Variants in TESC observed in about 807,000 individuals in gnomAD.
TESC encodes the protein calcineurin B homologous protein 3.
A neutral mutation model predicts 31.0 loss-of-function variants in TESC; 19 were observed. The observed-to-expected ratio is 0.61, with a 90% CI of 0.43 to 0.90. The LOEUF (loss-of-function observed/expected upper bound fraction) is 0.90, where lower values mean the gene tolerates loss of function less well. Ranked by LOEUF, TESC falls within the 40% of genes least tolerant of loss-of-function variation. The pLI is 0.00. For missense variants in TESC, 248 were observed against 303.8 expected (o/e 0.82, Z 1.36); for synonymous variants, 109 against 114.8 (o/e 0.95, Z 0.32).
At chr12:117,045,039 A>C (rs374068781) in intron 6 of TESC, among the ~76,000 whole-genome samples, 1 of 152,178 alleles carries the variant, frequency 6.6e-6, no homozygotes, top group African/African-American at 2.4e-5. Flanking sequence ...AGAGGCTGGG[A>C]GGGATTGAAC....
chr12:117,040,301 C>G (rs946133863), intron 7 of TESC, among the ~76,000 whole-genome samples: 5 of 152,166 alleles, frequency 3.3e-5, no homozygotes, highest in Non-Finnish European at 5.9e-5. Flanking sequence ...CGCATGGACA[C>G]TCACGGTGGT....
chr12:117,048,946 C>A (rs1954607223), intron 4 of TESC, 73 bp downstream of exon 4: 1 of 1,606,778 alleles, frequency 6.2e-7, no homozygotes, highest in Non-Finnish European at 8.5e-7. Flanking sequence ...TGCAGAGGCG[C>A]CTTGCGTTCT....
intron 3 of TESC, among the ~76,000 whole-genome samples, chr12:117,050,861 G>A (rs1313593852): frequency 6.6e-6 from 1 of 150,580 alleles, no homozygotes; most frequent in Non-Finnish European, 1.5e-5. Flanking sequence ...GGAGGCCGAG[G>A]CTGCAGTGAG....
chr12:117,070,509 G>A (rs1322016316), intron 2 of TESC, among the ~76,000 whole-genome samples: 2 of 152,154 alleles, frequency 1.3e-5, no homozygotes, highest in African/African-American at 4.8e-5. Context: ...GTGGTGACGG[G>A]AATTATAAAC....
intron 3 of TESC, among the ~76,000 whole-genome samples, chr12:117,053,546 A>G (rs1954678325): frequency 6.6e-6 from 1 of 152,118 alleles, no homozygotes; most frequent in Admixed American, 6.5e-5. Flanking sequence ...GAATAAGAGC[A>G]TACACTAAAA....
At chr12:117,075,928 TATATATATATATGTATATATAC>T (rs1179151262) in intron 1 of TESC, among the ~76,000 whole-genome samples, 4 of 113,232 alleles carry the variant, frequency 3.5e-5, no homozygotes, top group East Asian at 2.2e-4. Flanking sequence ...TGTGTGTATA[TATATATATATATGTATATATAC>T]ATATATATAT....
intron 2 of TESC, among the ~76,000 whole-genome samples, chr12:117,065,220 CAG>C (rs1470037038): frequency 6.6e-6 from 1 of 152,126 alleles, no homozygotes; most frequent in African/African-American, 2.4e-5. Context: ...AAGACAGACA[CAG>C]GGGAACCAGG....
At chr12:117,078,972 T>C (rs777202193) in intron 1 of TESC, among the ~76,000 whole-genome samples, 4 of 152,278 alleles carry the variant, frequency 2.6e-5, no homozygotes, top group East Asian at 1.9e-4. Context: ...GCACACATCA[T>C]CTTCTTTAGT....
intron 2 of TESC, among the ~76,000 whole-genome samples, chr12:117,063,764 TGTTCAGCATGTG>T (rs1212253339): frequency 6.6e-6 from 1 of 152,168 alleles, no homozygotes; most frequent in African/African-American, 2.4e-5. Context: ...CTGCACTCAC[TGTTCAGCATGTG>T]GTGTCCCCCA....
At chr12:117,095,412 A>C (rs1466992658) in intron 1 of TESC, among the ~76,000 whole-genome samples, 1 of 152,198 alleles carries the variant, frequency 6.6e-6, no homozygotes, top group Non-Finnish European at 1.5e-5. Context: ...AGGCTCCCGT[A>C]CGTAAACACC....
intron 4 of TESC, chr12:117,048,665 C>T (rs1233374301): frequency 5.4e-5 from 26 of 478,782 alleles, no homozygotes; most frequent in Non-Finnish European, 9.9e-5. Flanking sequence ...CTCAGAACCA[C>T]GCATGATCGG....
At position 117,075,901 on chromosome 12, in the gene TESC, A is replaced by ATATGTG. The variant is rs1565971574; in HGVS notation, c.59-562_59-561insCACATA. Among the ~76,000 whole-genome samples the ATATGTG allele has an allele frequency of 1.4e-3, 124 of 86,088 alleles. 2 individuals carry two copies. The highest frequency in any genetic ancestry group is 8.5e-3 in the African/African-American group (113 of 13,246). 56.5% of individuals were successfully genotyped at this position (86,088 alleles called of 152,430 possible). A position where few individuals can be genotyped will look rare whatever the true frequency, so the allele number is the denominator to read the frequency against. ...TATATATATATATATATATATATAT[A>ATATGTG]TATATATATATATGTGTGTGTGTAT... is the stretch of plus-strand genomic sequence containing the variant. On this transcript the variant is annotated intron_variant, in intron 1 of 7. Transcript: ENST00000335209.
chr12:117,090,014 C>G (rs1333896507), intron 1 of TESC, among the ~76,000 whole-genome samples: 2 of 151,888 alleles, frequency 1.3e-5, no homozygotes, highest in African/African-American at 4.8e-5. Context: ...CAGCTGATTT[C>G]TCAACAGCAA....
intron 2 of TESC, among the ~76,000 whole-genome samples, chr12:117,073,274 A>T (rs1002141165): frequency 1.3e-5 from 2 of 152,200 alleles, no homozygotes; most frequent in Non-Finnish European, 2.9e-5. Flanking sequence ...CGATTGGCTC[A>T]GACTCAGGCC....
At chr12:117,085,291 T>C (rs1179843199) in intron 1 of TESC, among the ~76,000 whole-genome samples, 1 of 152,120 alleles carries the variant, frequency 6.6e-6, no homozygotes, top group Non-Finnish European at 1.5e-5. Context: ...CCAGGACATT[T>C]GGACTTGCCC....
chr12:117,073,138 A>T (rs1453227786), intron 2 of TESC, among the ~76,000 whole-genome samples: 1 of 152,140 alleles, frequency 6.6e-6, no homozygotes, highest in African/African-American at 2.4e-5. Flanking sequence ...TGGACCAAGG[A>T]GGTTTCACCT....
rs1189316357 is a variant in TESC at position 117,075,887 on chromosome 12, A to G, written c.59-547T>C. Reference sequence around the variant, plus strand: ...TATATATATGTGTGTATATATATATATATATATATATATATATATATATAT... The same window carrying G: ...TATATATATGTGTGTATATATATATGTATATATATATATATATATATATAT... On this transcript the variant is annotated intron_variant, in intron 1 of 7. Coordinates refer to ENST00000335209, the MANE Select transcript of TESC (RefSeq NM_017899.4). Among the ~76,000 whole-genome samples, 311 of 62,416 alleles carry G rather than the reference A, an allele frequency of 5.0e-3. 15 individuals are homozygous for G. Among genetic ancestry groups the G allele is most frequent in the African/African-American group, 0.019 (196 of 10,204 alleles). 40.9% of individuals were successfully genotyped at this position (62,416 alleles called of 152,430 possible).
At chr12:117,055,810 G>A (rs1189066211) in intron 3 of TESC, among the ~76,000 whole-genome samples, 1 of 152,146 alleles carries the variant, frequency 6.6e-6, no homozygotes, top group African/African-American at 2.4e-5. Flanking sequence ...TGCCTTGGCT[G>A]AAGCTCATGA....
At position 117,056,994 on chromosome 12, in the gene TESC, C is replaced by A. The variant is rs1021534153; in HGVS notation, c.129-108G>T. ...CTGTATTTTGGATCCCTAACAGGCC[C>A]CCACAAGAATAGTTCAGAGTTAGGA... On this transcript the variant is annotated intron_variant, in intron 2 of 7. Coordinates refer to ENST00000335209, the MANE Select transcript of TESC (RefSeq NM_017899.4). The A allele has an allele frequency of 4.8e-6, 5 of 1,033,086 alleles. No homozygotes were observed. In the Admixed American group the frequency reaches 5.8e-5, roughly 12 times the overall value. 64.0% of individuals were successfully genotyped at this position (1,033,086 alleles called of 1,614,324 possible). A position where few individuals can be genotyped will look rare whatever the true frequency, so the allele number is the denominator to read the frequency against.
Sources: gnomAD v4.1 joint callset for allele counts (sites outside exome capture counted in the v4.1 genomes callset) on GRCh38, gnomAD v4.1.1 for gene constraint, MANE v1.5 for transcripts, NCBI Gene and HGNC (gene_info 2026-07-23, HGNC 2026-07-21) for gene names.